AFF2: variants seen among roughly 807,000 people sequenced by gnomAD.
AFF2 encodes the protein ALF transcription elongation factor 2, also known as AF4/FMR2 family member 2.
A neutral mutation model predicts 76.9 loss-of-function variants in AFF2; 14 were observed. That is an observed-to-expected ratio of 0.18 (90% CI 0.12 to 0.28). The LOEUF is 0.28. Among genes scored for constraint, AFF2 ranks in the 10% least tolerant of loss-of-function variants. AFF2 has a pLI of 1.00. For missense variants in AFF2, 868 were observed against 1,001.1 expected (o/e 0.87, Z 1.79); for synonymous variants, 398 against 366.7 (o/e 1.09, Z -0.98).
chrX:148,702,856 C>T (rs187560633), intron 3 of AFF2, among the ~76,000 whole-genome samples: 86 of 112,250 alleles, frequency 7.7e-4, no homozygotes, highest in African/African-American at 2.8e-3. Context: ...ATGATTTTAG[C>T]TTGTTTGTAC....
intron 1 of AFF2, among the ~76,000 whole-genome samples, chrX:148,629,625 C>A (rs1396586860): frequency 8.9e-6 from 1 of 111,949 alleles, no homozygotes; most frequent in Admixed American, 9.5e-5. Flanking sequence ...GAGAGCTGGG[C>A]CTGGGGCCAA....
chrX:148,569,500 T>G (rs2053205124), intron 1 of AFF2, among the ~76,000 whole-genome samples: 1 of 111,759 alleles, frequency 8.9e-6, no homozygotes, highest in Admixed American at 9.5e-5. Flanking sequence ...TATGCCATAT[T>G]TTCTAGACAC....
chrX:148,754,806 A>G (rs2124579758), intron 3 of AFF2, among the ~76,000 whole-genome samples: 1 of 111,950 alleles, frequency 8.9e-6, no homozygotes, highest in Non-Finnish European at 1.9e-5. Context: ...GTTCAATTCA[A>G]CTGTACTATT....
chrX:148,696,994 T>A (rs902320717), intron 3 of AFF2, among the ~76,000 whole-genome samples: 21 of 112,539 alleles, frequency 1.9e-4, no homozygotes, highest in African/African-American at 6.5e-4. Context: ...ATTGTAGTTA[T>A]GTAATTAAAT....
chrX:148,714,106 C>A (rs1024907576), intron 3 of AFF2, among the ~76,000 whole-genome samples: 1 of 112,104 alleles, frequency 8.9e-6, no homozygotes, highest in African/African-American at 3.2e-5. Flanking sequence ...TATAAAAAAT[C>A]TCCCAGCAAT....
At position 148,953,655 on chromosome X, in the gene AFF2, G is replaced by GAGC. The variant is rs1569557616; in HGVS notation, c.1477_1479dup (p.Ser494dup). Reference sequence around the variant, plus strand: ...GTTCTGGCAGCTCCAGCGAATCGGAGAGCAGCTCTGAGTCGGATTCAGACA... The same window carrying GAGC: ...GTTCTGGCAGCTCCAGCGAATCGGAGAGCAGCAGCTCTGAGTCGGATTCAGACA... On this transcript the variant is annotated inframe_insertion, in exon 10 of 21. Transcript: ENST00000370460. The GAGC allele has an allele frequency of 8.3e-7, 1 of 1,211,611 alleles. No homozygotes were observed. The highest frequency in any genetic ancestry group is 2.2e-5 in the Admixed American group (1 of 46,060).
intron 3 of AFF2, among the ~76,000 whole-genome samples, chrX:148,732,901 C>T (rs2055244455): frequency 9.0e-6 from 1 of 111,381 alleles, no homozygotes; most frequent in African/African-American, 3.3e-5. Flanking sequence ...AACTCAGCAG[C>T]CAACTCTCTT....
At chrX:148,858,378 G>C (rs113912177) in intron 7 of AFF2, among the ~76,000 whole-genome samples, 1,243 of 111,375 alleles carry the variant, frequency 0.011, 21 homozygotes, top group African/African-American at 0.038. Flanking sequence ...AGAAATTCTA[G>C]CATATATTTC....
At chrX:148,754,265 A>G (rs2055534971) in intron 3 of AFF2, among the ~76,000 whole-genome samples, 1 of 112,094 alleles carries the variant, frequency 8.9e-6, no homozygotes, top group Admixed American at 9.5e-5. Flanking sequence ...ATCTCTACTA[A>G]TCTAATAAGC....
At chrX:148,792,571 A>G (rs2069911969) in intron 3 of AFF2, among the ~76,000 whole-genome samples, 1 of 113,008 alleles carries the variant, frequency 8.8e-6, no homozygotes, top group African/African-American at 3.2e-5. Context: ...AACTCAGTAT[A>G]CTATTAATCA....
At chrX:148,961,065 C>T (rs1262233722) in intron 12 of AFF2, among the ~76,000 whole-genome samples, 4 of 111,944 alleles carry the variant, frequency 3.6e-5, no homozygotes, top group Non-Finnish European at 7.5e-5. Flanking sequence ...GCACTGAATC[C>T]CCGCTGGTTG....
chrX:148,941,412 T>C (rs1381475340), intron 9 of AFF2, among the ~76,000 whole-genome samples: 7 of 112,057 alleles, frequency 6.2e-5, no homozygotes, highest in Non-Finnish European at 1.3e-4. Context: ...AGGCACAATG[T>C]AGGCTGGGTT....
chrX:148,521,636 CA>C (rs1305537802), intron 1 of AFF2, among the ~76,000 whole-genome samples: 2 of 111,555 alleles, frequency 1.8e-5, no homozygotes, highest in Non-Finnish European at 3.8e-5. Flanking sequence ...AATAAAATGC[CA>C]ATCATCAGAT....
intron 9 of AFF2, among the ~76,000 whole-genome samples, chrX:148,925,523 G>C (rs782013545): frequency 1.2e-4 from 13 of 112,071 alleles, no homozygotes; most frequent in Non-Finnish European, 2.3e-4. Context: ...CAGAATGCTG[G>C]CCGATGGCTC....
chrX:148,908,196 A>G lies in AFF2; in HGVS notation c.1397+3938A>G, dbSNP rs143090806. Among the ~76,000 whole-genome samples, 363 of 111,125 alleles carry G rather than the reference A, an allele frequency of 3.3e-3. 2 individuals carry two copies. The highest frequency in any genetic ancestry group is 0.011 in the African/African-American group (330 of 30,579). ...AGCAATTTGTGCAGTTAAGGCAATC[A>G]TTACAGGGTCCTGAGGCGACATACA... On this transcript the variant is annotated intron_variant, in intron 9 of 20. Coordinates refer to ENST00000370460, the MANE Select transcript of AFF2 (RefSeq NM_002025.4).
At chrX:148,584,273 T>C (rs782142543) in intron 1 of AFF2, among the ~76,000 whole-genome samples, 8 of 111,649 alleles carry the variant, frequency 7.2e-5, no homozygotes, top group Non-Finnish European at 1.1e-4. Flanking sequence ...GAATGTTCAA[T>C]AATGTATTGG....
chrX:148,522,332 C>T, intron 1 of AFF2, among the ~76,000 whole-genome samples: 1 of 112,598 alleles, frequency 8.9e-6, no homozygotes, highest in Middle Eastern at 4.6e-3. Flanking sequence ...CAGCTCTTGC[C>T]TCCAGTCCAT....
chrX:148,787,699 A>G (rs782803353), intron 3 of AFF2, among the ~76,000 whole-genome samples: 5 of 112,311 alleles, frequency 4.5e-5, no homozygotes, highest in African/African-American at 1.6e-4. Context: ...ATTATTTGCT[A>G]CTTGGTTGAC....
Position 148,997,102 on chromosome X carries a change from T to A in AFF2, c.*5770T>A, listed in dbSNP as rs1408632035. The stretch of plus-strand genomic sequence containing the variant: ...GTTTTTTGTTAACATTTGTTTTTAG[T>A]TAAAAGTATCTACTTACTGTTTTAG... On this transcript the variant is annotated 3_prime_UTR_variant, in exon 21 of 21. Coordinates refer to ENST00000370460, the MANE Select transcript of AFF2 (RefSeq NM_002025.4). 1 of 112,241 alleles carries A rather than the reference T, an allele frequency of 8.9e-6. No homozygotes were observed. Among genetic ancestry groups the A allele is most frequent in the Non-Finnish European group, 1.9e-5 (1 of 53,219 alleles). The allele number at this position is 112,241 out of a possible 1,213,427, so 9.2% of individuals were successfully genotyped here.
Sources: allele counts gnomAD v4.1 joint callset (sites outside exome capture counted in the v4.1 genomes callset), GRCh38; gene constraint gnomAD v4.1.1; transcripts MANE v1.5; gene names NCBI Gene and HGNC (gene_info 2026-07-23, HGNC 2026-07-21).